Variants in ALS2 observed in about 807,000 individuals in gnomAD.
The protein encoded by ALS2 is alsin Rho guanine nucleotide exchange factor ALS2.
In ALS2, 117 loss-of-function variants were observed where a neutral mutation model predicts 203.4. The ratio of observed to expected loss-of-function variants is 0.58; its 90% CI spans 0.50 to 0.67. The LOEUF is 0.67. ALS2 is among the 30% of genes least tolerant of loss of function. The pLI, the probability that ALS2 is intolerant of heterozygous loss-of-function variation, is 0.00. For synonymous variants in ALS2, 718 were observed against 725.9 expected (o/e 0.99, Z 0.17); for missense variants, 1,715 against 1,989.4 (o/e 0.86, Z 2.62).
rs1691685356 is a variant in ALS2 at position 201,733,296 on chromosome 2, G to C, written c.2560C>G (p.Leu854Val). 5.0e-6 allele frequency: 8 copies of C among 1,613,800 alleles called. No individual in the cohort carries two copies. Among genetic ancestry groups the C allele is most frequent in the Non-Finnish European group, 5.9e-6 (7 of 1,179,864 alleles). Residue 854 changes from leucine to valine, a missense_variant, in exon 13 of 34, where the codon CTT becomes GTT. Coordinates refer to ENST00000264276, the MANE Select transcript of ALS2 (RefSeq NM_020919.4). ...CTTACCACTTCAAAACAAGTAGCAAGCTTTAGCAAAACTTTTGCGTAATTA... is the reference window on the plus strand; with the variant it reads ...CTTACCACTTCAAAACAAGTAGCAACCTTTAGCAAAACTTTTGCGTAATTA... ...LHNYAKVLLK[L>V]ATCFEVASPE...
At chr2:201,723,012 G>A in intron 23 of ALS2, 31 bp downstream of exon 23, 1 of 1,506,968 alleles carries the variant, frequency 6.6e-7, no homozygotes, top group Non-Finnish European at 9.1e-7. Flanking sequence ...GAATTTATTA[G>A]GGAGAAAAAA....
chr2:201,740,901 AG>A (rs1692225952), intron 11 of ALS2, among the ~76,000 whole-genome samples: 1 of 152,198 alleles, frequency 6.6e-6, no homozygotes, highest in South Asian at 2.1e-4. Context: ...TGCTTTTCGC[AG>A]GCCCCATGCT....
chr2:201,738,389 GC>G, intron 12 of ALS2: 1 of 452,690 alleles, frequency 2.2e-6, no homozygotes, highest in Non-Finnish European at 4.1e-6. Context: ...AGAACACTAG[GC>G]CTACTGAGGT....
At chr2:201,776,664 T>C (rs1204675490) in intron 1 of ALS2, among the ~76,000 whole-genome samples, 1 of 152,154 alleles carries the variant, frequency 6.6e-6, no homozygotes, top group Non-Finnish European at 1.5e-5. Flanking sequence ...GGCCACAATT[T>C]TTTCAAAGGC....
intron 4 of ALS2, chr2:201,760,608 A>G: frequency 8.0e-7 from 1 of 1,248,280 alleles, no homozygotes; most frequent in Non-Finnish European, 1.0e-6. Context: ...GAAAAAAAGT[A>G]CTAGCAAGAA....
At chr2:201,754,799 G>A in intron 5 of ALS2, 128 bp from the exon 6 acceptor site, 1 of 996,500 alleles carries the variant, frequency 1.0e-6, no homozygotes, top group Non-Finnish European at 1.5e-6. Flanking sequence ...TATTCTAGAG[G>A]CTCTCTGTAG....
chr2:201,773,315 G>A (rs1035303725), intron 1 of ALS2, among the ~76,000 whole-genome samples: 1 of 152,114 alleles, frequency 6.6e-6, no homozygotes, highest in Non-Finnish European at 1.5e-5. Flanking sequence ...AGGAAGCCTG[G>A]GTTCTTAAGT....
intron 25 of ALS2, among the ~76,000 whole-genome samples, chr2:201,714,093 A>T (rs1357139938): frequency 2.6e-5 from 4 of 152,314 alleles, no homozygotes; most frequent in Non-Finnish European, 5.9e-5. Context: ...ACCAGCCTGG[A>T]TAATATAGCA....
intron 4 of ALS2, chr2:201,760,179 G>C (rs1693671753): frequency 5.6e-6 from 3 of 538,922 alleles, no homozygotes; most frequent in Non-Finnish European, 4.7e-6. Context: ...CAGGTGTGGT[G>C]GCATGTGTAT....
At chr2:201,758,260 A>G (rs1243874947) in intron 4 of ALS2, among the ~76,000 whole-genome samples, 1 of 152,222 alleles carries the variant, frequency 6.6e-6, no homozygotes, top group Non-Finnish European at 1.5e-5. Context: ...AATGCTTTAT[A>G]AATTGAAATT....
At chr2:201,777,132 C>G (rs1192087319) in intron 1 of ALS2, among the ~76,000 whole-genome samples, 3 of 152,148 alleles carry the variant, frequency 2.0e-5, no homozygotes, top group Non-Finnish European at 4.4e-5. Flanking sequence ...TGAGTCACAA[C>G]ATGTCCAAAT....
rs775648737 is a variant in ALS2, at chr2:201,758,760, A to ATGTGTGTGTGTG, written c.1114-1013_1114-1002dup. Among the ~76,000 whole-genome samples, 1,298 of 150,708 alleles carry ATGTGTGTGTGTG rather than the reference A, an allele frequency of 8.6e-3. 16 individuals are homozygous for ATGTGTGTGTGTG. Among genetic ancestry groups the ATGTGTGTGTGTG allele is most frequent in the African/African-American group, 0.025 (1,042 of 40,874 alleles). ...ACAAATATAATGTGTGTGTGTGCGC[A>ATGTGTGTGTGTG]TGTGTGTGTGTGTGTGTGTGTGTGT... On this transcript the variant is annotated intron_variant, in intron 4 of 33. Transcript: ENST00000264276.
In ALS2 at chr2:201,741,743, T is replaced by A; in HGVS notation, c.2282A>T (p.His761Leu). 6.2e-7 allele frequency: 1 copy of A among 1,614,096 alleles called. No individual in the cohort carries two copies. The highest frequency in any genetic ancestry group is 1.3e-5 in the African/African-American group (1 of 75,014). Residue 761 changes from histidine to leucine, a missense_variant, in exon 11 of 34, where the codon CAT becomes CTT. This residue lies in a region of ALS2 where 1,227 missense variants were observed against 1,413.5 expected (regional missense o/e 0.87). Coordinates refer to ENST00000264276, the MANE Select transcript of ALS2 (RefSeq NM_020919.4). Reference protein sequence around the residue: ...QHGASLSSFLHGVKEARSLVI... With the variant: ...QHGASLSSFLLGVKEARSLVI... ...CAAACTCCTGGCTTCCTTTACCCCA[T>A]GAAGGAAGCTGCTCAATGAGGCTCC...
At chr2:201,770,225 GAGA>G (rs1057447811) in intron 1 of ALS2, among the ~76,000 whole-genome samples, 1 of 152,162 alleles carries the variant, frequency 6.6e-6, no homozygotes, top group African/African-American at 2.4e-5. Context: ...GCGGAAGCCA[GAGA>G]ATTATTCTAC....
intron 26 of ALS2, 127 bp from the exon 27 acceptor site, chr2:201,710,165 G>A: frequency 1.8e-6 from 2 of 1,107,972 alleles, no homozygotes; most frequent in Non-Finnish European, 2.6e-6. Flanking sequence ...TTGGGACCAG[G>A]AATATTCAAA....
At chr2:201,750,914 C>T (rs1324016418) in intron 7 of ALS2, among the ~76,000 whole-genome samples, 1 of 147,902 alleles carries the variant, frequency 6.8e-6, no homozygotes, top group Non-Finnish European at 1.5e-5. Flanking sequence ...AGCACAATGG[C>T]GCAATCTTGG....
intron 26 of ALS2, among the ~76,000 whole-genome samples, chr2:201,710,591 C>T (rs1689975255): frequency 6.6e-6 from 1 of 152,150 alleles, no homozygotes. Flanking sequence ...CAGAATACTC[C>T]TTCCTGCACT....
chr2:201,732,184 T>A (rs904482590), intron 13 of ALS2, among the ~76,000 whole-genome samples: 2 of 152,260 alleles, frequency 1.3e-5, no homozygotes, highest in East Asian at 3.9e-4. Flanking sequence ...AAAGCCTACA[T>A]CAATCAGTTC....
chr2:201,729,083 C>T lies in ALS2; in HGVS notation c.2681G>A (p.Gly894Asp), dbSNP rs1457142229. The T allele has an allele frequency of 1.2e-6, 2 of 1,613,902 alleles. No homozygotes were observed. The highest frequency in any genetic ancestry group is 1.7e-6 in the Non-Finnish European group (2 of 1,180,022). Residue 894 changes from glycine (G) to aspartate (D), a missense_variant, in exon 14 of 34, where the codon GGC becomes GAC. Gly to Asp is a moderately conservative substitution (Grantham distance 94). Coordinates refer to ENST00000264276, the MANE Select transcript of ALS2 (RefSeq NM_020919.4). ...RKRKEAEYTL[G>D]FWKTFPGKMT... ...TTTTCCGGGGAAGGTCTTCCAGAAG[C>T]CCAGTGTGTATTCTGCTTCCTTCCT...
Sources: gnomAD v4.1 joint callset for allele counts (sites outside exome capture counted in the v4.1 genomes callset) on GRCh38, gnomAD v4.1.1 for gene constraint, gnomAD v4.1.1 regional missense constraint, MANE v1.5 for transcripts, NCBI Gene and HGNC (gene_info 2026-07-23, HGNC 2026-07-21) for gene names.